Variants in SLC6A5 observed in about 807,000 individuals in gnomAD.
SLC6A5 encodes the protein solute carrier family 6 member 5.
SLC6A5 carries 58 observed loss-of-function variants against 90.5 expected under a neutral mutation model. The ratio of observed to expected loss-of-function variants is 0.64; its 90% CI spans 0.52 to 0.80. The LOEUF is 0.80. Among genes scored for constraint, SLC6A5 ranks in the 30% least tolerant of loss-of-function variants. The pLI is 0.00. For synonymous variants in SLC6A5, 427 were observed against 401.4 expected (o/e 1.06, Z -0.76); for missense variants, 1,015 against 1,017.6 (o/e 1.00, Z 0.03).
rs551521971 is a variant in SLC6A5, at chr11:20,637,838, T to C, written c.1869+535T>C. ...ATGTATGAGTCAACAGCCACTGCAG[T>C]TTCTTCCAGTCCCAAGTGTCTTGGT... On this transcript the variant is annotated intron_variant, in intron 12 of 15. Transcript: ENST00000525748. 5.3e-5 allele frequency among the ~76,000 whole-genome samples: 8 copies of C among 152,324 alleles called. No individual in the cohort carries two copies. In the South Asian group the frequency reaches 1.5e-3, roughly 28 times the overall value.
In SLC6A5 at chr11:20,657,881, CTG is replaced by C. The variant is rs1853656555; in HGVS notation, c.*3016_*3017del. ...TTAGTAACTTTTATTATCTTTAGGA[CTG>C]TGCTTATCAGGTACAAATGTGTCTA... On this transcript the variant is annotated 3_prime_UTR_variant, in exon 16 of 16. Transcript: ENST00000525748. 1 of 152,204 alleles carries C rather than the reference CTG, an allele frequency of 6.6e-6. No homozygotes were observed. The highest frequency in any genetic ancestry group is 2.4e-5 in the African/African-American group (1 of 41,446). The allele number at this position is 152,204 out of a possible 1,614,324, so 9.4% of individuals were successfully genotyped here.
At chr11:20,631,630 TTG>T (rs1424596484) in intron 10 of SLC6A5, among the ~76,000 whole-genome samples, 1 of 151,582 alleles carries the variant, frequency 6.6e-6, no homozygotes, top group Non-Finnish European at 1.5e-5. Context: ...AGGGATTTCA[TTG>T]TGTCTGTTGT....
chr11:20,644,129 T>C (rs1324560307), intron 13 of SLC6A5, among the ~76,000 whole-genome samples: 3 of 152,218 alleles, frequency 2.0e-5, no homozygotes, highest in Non-Finnish European at 4.4e-5. Flanking sequence ...TGTTATACAA[T>C]GTGGAACAAT....
chr11:20,656,965 A>G lies in SLC6A5; in HGVS notation c.*2097A>G, dbSNP rs867166039. On this transcript the variant is annotated 3_prime_UTR_variant, in exon 16 of 16. Transcript: ENST00000525748. ...AGCCTCTCCAGCTGATACCTGGTAG[A>G]GTGAGAGGAGCCAGGAGGAATAACT... 6.6e-6 allele frequency: 1 copy of G among 152,228 alleles called. No individual in the cohort carries two copies. Among genetic ancestry groups the G allele is most frequent in the African/African-American group, 2.4e-5 (1 of 41,456 alleles). The allele number at this position is 152,228 out of a possible 1,614,324, so 9.4% of individuals were successfully genotyped here.
rs767020292 is a variant in SLC6A5 at position 20,646,818 on chromosome 11, G to C, written c.1970-16G>C. 3.2e-6 allele frequency: 5 copies of C among 1,577,880 alleles called. No individual in the cohort carries two copies. The highest frequency in any genetic ancestry group is 4.4e-6 in the Non-Finnish European group (5 of 1,147,292). On this transcript the variant is annotated splice_polypyrimidine_tract_variant and intron_variant, in intron 13 of 15. Coordinates refer to ENST00000525748, the MANE Select transcript of SLC6A5 (RefSeq NM_004211.5). ...CTACTGTGCCTTATACCTGTTCTCTGCTTGTCTATTTGCAGGCTTGCAAAG... is the reference window on the plus strand; with the variant it reads ...CTACTGTGCCTTATACCTGTTCTCTCCTTGTCTATTTGCAGGCTTGCAAAG...
In SLC6A5 at chr11:20,639,354, C is replaced by A. The variant is rs183821289; in HGVS notation, c.1969+796C>A. 1.1e-4 allele frequency among the ~76,000 whole-genome samples: 17 copies of A among 152,164 alleles called. No homozygotes were observed. The East Asian group carries it at 2.3e-3, about 21-fold the overall frequency. On this transcript the variant is annotated intron_variant, in intron 13 of 15. Coordinates refer to ENST00000525748, the MANE Select transcript of SLC6A5 (RefSeq NM_004211.5). ...CCTCACTAATATATATATAAGGCCA[C>A]CATAGCAAATATCAGGAAGGCGAAC...
Position 20,616,647 on chromosome 11 carries a change from G to A in SLC6A5, c.1128-1105G>A, listed in dbSNP as rs77202689. On this transcript the variant is annotated intron_variant, in intron 6 of 15. Coordinates refer to ENST00000525748, the MANE Select transcript of SLC6A5 (RefSeq NM_004211.5). ...CAAATATGGTCCTCAGGGTTTTGCC[G>A]TGGAACCAAGTTTAGTTCCAGCCTT... Among the ~76,000 whole-genome samples the A allele has an allele frequency of 6.4e-4, 97 of 152,302 alleles. No homozygotes were observed. The East Asian group carries it at 0.015, about 24-fold the overall frequency.
chr11:20,628,268 A>T (rs899645140), intron 9 of SLC6A5, among the ~76,000 whole-genome samples, 185 bp downstream of exon 9: 1 of 152,194 alleles, frequency 6.6e-6, no homozygotes, highest in Non-Finnish European at 1.5e-5. Context: ...CTGGACCCTC[A>T]CTTACACACC....
intron 7 of SLC6A5, among the ~76,000 whole-genome samples, chr11:20,622,808 C>T (rs1361498691): frequency 2.0e-5 from 3 of 152,166 alleles, no homozygotes; most frequent in African/African-American, 7.2e-5. Context: ...CATTTCCCAC[C>T]AGCCCCAGGT....
chr11:20,640,992 A>G (rs546364205), intron 13 of SLC6A5, among the ~76,000 whole-genome samples: 2 of 152,246 alleles, frequency 1.3e-5, no homozygotes, highest in African/African-American at 4.8e-5. Context: ...GGTAGGGACA[A>G]TTTTCAAGTT....
At chr11:20,608,768 T>C (rs947453959) in intron 5 of SLC6A5, among the ~76,000 whole-genome samples, 1 of 152,194 alleles carries the variant, frequency 6.6e-6, no homozygotes, top group Middle Eastern at 3.2e-3. Flanking sequence ...ACCAGCTTTT[T>C]TCATGATGGA....
Position 20,607,102 on chromosome 11 carries a change from C to CCAGT in SLC6A5, c.776_779dup (p.Trp263CysfsTer62), listed in dbSNP as rs1275029211. ...GCTGGGCCAGTTTGCCAGCCAGGGACCAGTGTCTGTGTGGAAGGCCATCCC... is the reference window on the plus strand; with the variant it reads ...GCTGGGCCAGTTTGCCAGCCAGGGACCAGTCAGTGTCTGTGTGGAAGGCCATCCC... On this transcript the variant is annotated frameshift_variant, in exon 4 of 16. Coordinates refer to ENST00000525748, the MANE Select transcript of SLC6A5 (RefSeq NM_004211.5). LOFTEE classifies it high-confidence loss of function. 1.1e-5 allele frequency: 18 copies of CCAGT among 1,614,084 alleles called. No homozygotes were observed. Among genetic ancestry groups the CCAGT allele is most frequent in the Non-Finnish European group, 1.5e-5 (18 of 1,180,024 alleles).
At chr11:20,608,544 T>G (rs999158677) in intron 5 of SLC6A5, among the ~76,000 whole-genome samples, 1 of 152,190 alleles carries the variant, frequency 6.6e-6, no homozygotes, top group African/African-American at 2.4e-5. Context: ...AGAAAAGAAA[T>G]GAGGAGTGTG....
In SLC6A5 at chr11:20,627,947, G is replaced by A. The variant is rs756707060; in HGVS notation, c.1396-33G>A. 1.1e-5 allele frequency: 17 copies of A among 1,548,550 alleles called. No homozygotes were observed. The South Asian group carries it at 1.9e-4, about 17-fold the overall frequency. The stretch of plus-strand genomic sequence containing the variant: ...CTCCCCTGGCGCCAGTCTCCTTCAT[G>A]GGTCTTGAATCTCTTTCCCTTTTGC... On this transcript the variant is annotated intron_variant, in intron 8 of 15. Transcript: ENST00000525748.
intron 3 of SLC6A5, among the ~76,000 whole-genome samples, chr11:20,605,692 C>G (rs554478234): frequency 6.6e-6 from 1 of 152,234 alleles, no homozygotes; most frequent in Non-Finnish European, 1.5e-5. Flanking sequence ...TTTGCCCGCC[C>G]GGGATCTGCG....
At chr11:20,648,656 C>G (rs2133821175) in intron 14 of SLC6A5, among the ~76,000 whole-genome samples, 1 of 152,252 alleles carries the variant, frequency 6.6e-6, no homozygotes, top group South Asian at 2.1e-4. Context: ...CTGCACTTGC[C>G]CTCTTCCCCG....
At chr11:20,641,393 T>C (rs1853310721) in intron 13 of SLC6A5, among the ~76,000 whole-genome samples, 1 of 152,184 alleles carries the variant, frequency 6.6e-6, no homozygotes. Flanking sequence ...GTGAGAAATG[T>C]TAGATTCACA....
At chr11:20,640,057 T>C (rs553065483) in intron 13 of SLC6A5, among the ~76,000 whole-genome samples, 3 of 152,310 alleles carry the variant, frequency 2.0e-5, no homozygotes, top group Non-Finnish European at 2.9e-5. Context: ...CAGCGTATCT[T>C]AACTTTGTGC....
chr11:20,617,709 CCTT>C (rs1852807838), intron 6 of SLC6A5, 40 bp from the exon 7 acceptor site: 9 of 1,589,384 alleles, frequency 5.7e-6, no homozygotes, highest in East Asian at 4.5e-5. Flanking sequence ...CTCCCTCTCT[CCTT>C]CTTTCTATCA....
Sources: gnomAD v4.1 joint callset for allele counts (sites outside exome capture counted in the v4.1 genomes callset) on GRCh38, gnomAD v4.1.1 for gene constraint, MANE v1.5 for transcripts, NCBI Gene and HGNC (gene_info 2026-07-23, HGNC 2026-07-21) for gene names.